The following YWHAZ variants were observed in gnomAD, a reference collection of about 807,000 sequenced individuals.
The protein encoded by YWHAZ is tyrosine 3-monooxygenase/tryptophan 5-monooxygenase activation protein zeta, also known as 14-3-3 protein zeta/delta.
For synonymous variants in YWHAZ, 87 were observed against 103.6 expected, an observed-to-expected ratio of 0.84 and a Z score of 0.97; for missense variants, 79 against 284.8, an observed-to-expected ratio of 0.28 and a Z score of 5.20.
rs1812887493 is a variant in YWHAZ at position 100,919,670 on chromosome 8, T to C, written c.*1023A>G. The C allele has an allele frequency of 6.6e-6, 1 of 152,602 alleles. No homozygotes were observed. The highest frequency in any genetic ancestry group is 2.1e-4 in the South Asian group (1 of 4,838). The allele number at this position is 152,602 out of a possible 1,614,324, so 9.5% of individuals were successfully genotyped here. ...GTTTCAGAACCAAGACTAATTTACATGAAAAGCTGTAGAGAAAGTAGTTGA... is the reference window on the plus strand; with the variant it reads ...GTTTCAGAACCAAGACTAATTTACACGAAAAGCTGTAGAGAAAGTAGTTGA... On this transcript the variant is annotated 3_prime_UTR_variant, in exon 6 of 6. Transcript: ENST00000395958.
intron 1 of YWHAZ, 141 bp from the exon 2 acceptor site, chr8:100,949,041 A>G: frequency 4.8e-6 from 5 of 1,052,286 alleles, no homozygotes; most frequent in Non-Finnish European, 6.7e-6. Flanking sequence ...ATTAAAATGC[A>G]GCCTCACAAA....
At chr8:100,935,046 G>A (rs984557915) in intron 2 of YWHAZ, 1 of 151,886 alleles carries the variant, frequency 6.6e-6, no homozygotes, top group Non-Finnish European at 1.5e-5. Flanking sequence ...CCAGCTACTC[G>A]GGAGGCTGAG....
Position 100,936,454 on chromosome 8 carries a change from TG to T in YWHAZ, c.295-11416del, listed in dbSNP as rs1814153453. 3.3e-5 allele frequency among the ~76,000 whole-genome samples: 5 copies of T among 152,240 alleles called. No individual in the cohort carries two copies. In the South Asian group the frequency reaches 1.0e-3, roughly 32 times the overall value. ...CCACATGCCTCCTAATATAATGCAG[TG>T]AGGAGGACACCATATCACTTCCAGG... is the stretch of plus-strand genomic sequence containing the variant. On this transcript the variant is annotated intron_variant, in intron 2 of 5. Transcript: ENST00000395958.
At chr8:100,925,539 A>G (rs754990334) in intron 2 of YWHAZ, among the ~76,000 whole-genome samples, 1 of 152,226 alleles carries the variant, frequency 6.6e-6, no homozygotes, top group South Asian at 2.1e-4. Flanking sequence ...TTCATTTATA[A>G]CAACACAATT....
intron 1 of YWHAZ, chr8:100,950,296 A>G (rs1033892113): frequency 1.1e-5 from 9 of 855,564 alleles, no homozygotes; most frequent in East Asian, 1.2e-4. Context: ...TCTCTCCCCA[A>G]TCACTTCGGT....
intron 5 of YWHAZ, chr8:100,923,383 AAG>A (rs932215044): frequency 3.9e-5 from 6 of 152,358 alleles, no homozygotes; most frequent in South Asian, 4.1e-4. Context: ...AACTTAAAAA[AAG>A]AGAGATAATT....
At chr8:100,929,247 T>C (rs1056466812) in intron 2 of YWHAZ, among the ~76,000 whole-genome samples, 11 of 150,942 alleles carry the variant, frequency 7.3e-5, no homozygotes, top group Non-Finnish European at 1.5e-4. Context: ...GCACCCAGGC[T>C]GGGGTGCAGT....
At chr8:100,946,246 G>A (rs1158369387) in intron 2 of YWHAZ, among the ~76,000 whole-genome samples, 2 of 152,164 alleles carry the variant, frequency 1.3e-5, no homozygotes, top group Non-Finnish European at 2.9e-5. Context: ...AGTCAAAACT[G>A]CTACAAGTTG....
At chr8:100,926,790 G>A (rs1434830184) in intron 2 of YWHAZ, among the ~76,000 whole-genome samples, 2 of 152,196 alleles carry the variant, frequency 1.3e-5, no homozygotes, top group Non-Finnish European at 2.9e-5. Flanking sequence ...TGGTTGCTCT[G>A]TGGAGATCTG....
intron 2 of YWHAZ, among the ~76,000 whole-genome samples, chr8:100,946,503 A>G (rs1333858669): frequency 6.6e-6 from 1 of 152,170 alleles, no homozygotes; most frequent in Admixed American, 6.5e-5. Context: ...GTGAGCTGAG[A>G]TGGTGCCATT....
At chr8:100,934,988 T>C (rs1010999138) in intron 2 of YWHAZ, 2 of 151,106 alleles carry the variant, frequency 1.3e-5, no homozygotes, top group African/African-American at 2.4e-5. Context: ...ACCCCGTCTC[T>C]ACTGGGAAAA....
At chr8:100,950,483 A>G in intron 1 of YWHAZ, 1 of 985,594 alleles carries the variant, frequency 1.0e-6, no homozygotes, top group Non-Finnish European at 1.2e-6. Flanking sequence ...CGGTCCGCGT[A>G]TCGCAACCAC....
At chr8:100,944,222 C>CTAA (rs908305076) in intron 2 of YWHAZ, among the ~76,000 whole-genome samples, 1 of 152,086 alleles carries the variant, frequency 6.6e-6, no homozygotes, top group African/African-American at 2.4e-5. Flanking sequence ...TTAAAAACTG[C>CTAA]TAACTCTACA....
intron 5 of YWHAZ, among the ~76,000 whole-genome samples, chr8:100,921,179 A>G (rs892229572): frequency 6.6e-6 from 1 of 152,088 alleles, no homozygotes; most frequent in African/African-American, 2.4e-5. Context: ...GACTACAGGC[A>G]TGTGCCACCA....
Position 100,918,603 on chromosome 8 carries a change from A to G in YWHAZ, c.*2090T>C, listed in dbSNP as rs1354404885. 2 of 151,338 alleles carry G rather than the reference A, an allele frequency of 1.3e-5. No homozygotes were observed. Among genetic ancestry groups the G allele is most frequent in the Non-Finnish European group, 2.9e-5 (2 of 67,872 alleles). The allele number at this position is 151,338 out of a possible 1,614,324, so 9.4% of individuals were successfully genotyped here. ...TCCATTGCACTTTTATTTGAATGTAATATTTGGGACAATTATTCAAAAGGG... is the reference window on the plus strand; with the variant it reads ...TCCATTGCACTTTTATTTGAATGTAGTATTTGGGACAATTATTCAAAAGGG... On this transcript the variant is annotated 3_prime_UTR_variant, in exon 6 of 6. Transcript: ENST00000395958.
rs1160156708 is a variant in YWHAZ, at chr8:100,918,436, ATATATAT to A, written c.*2250_*2256del. 2 of 106,288 alleles carry A rather than the reference ATATATAT, an allele frequency of 1.9e-5. No individual in the cohort carries two copies. Among genetic ancestry groups the A allele is most frequent in the East Asian group, 6.1e-4 (2 of 3,278 alleles). The allele number at this position is 106,288 out of a possible 1,614,324, so 6.6% of individuals were successfully genotyped here. ...TATATATATATATATATATATATAT[ATATATAT>A]AATTATTTTACCTCCTTGGCTTGGG... is the stretch of plus-strand genomic sequence containing the variant. On this transcript the variant is annotated 3_prime_UTR_variant, in exon 6 of 6. Coordinates refer to ENST00000395958, the MANE Select transcript of YWHAZ (RefSeq NM_145690.3).
intron 2 of YWHAZ, among the ~76,000 whole-genome samples, chr8:100,929,913 G>A (rs1253000877): frequency 6.6e-6 from 1 of 151,898 alleles, no homozygotes; most frequent in African/African-American, 2.4e-5. Context: ...GGGAGGAAAG[G>A]GCTGATAGCT....
chr8:100,941,550 C>T (rs531572609), intron 2 of YWHAZ, among the ~76,000 whole-genome samples: 2 of 152,158 alleles, frequency 1.3e-5, no homozygotes, highest in East Asian at 1.9e-4. Context: ...TTTGGGAGGC[C>T]GGGGTGGGTG....
In YWHAZ at chr8:100,919,252, G is replaced by C. The variant is rs1017056646; in HGVS notation, c.*1441C>G. On this transcript the variant is annotated 3_prime_UTR_variant, in exon 6 of 6. Coordinates refer to ENST00000395958, the MANE Select transcript of YWHAZ (RefSeq NM_145690.3). ...CACCTGACAAATAGAAAGAATAAAG[G>C]ATCAAAATTGAAGGCAGGCTATAAG... 8 of 152,510 alleles carry C rather than the reference G, an allele frequency of 5.2e-5. No individual in the cohort carries two copies. Among genetic ancestry groups the C allele is most frequent in the African/African-American group, 1.9e-4 (8 of 41,388 alleles). The allele number at this position is 152,510 out of a possible 1,614,324, so 9.4% of individuals were successfully genotyped here. A position where few individuals can be genotyped will look rare whatever the true frequency, so the allele number is the denominator to read the frequency against.
Sources: allele counts gnomAD v4.1 joint callset (sites outside exome capture counted in the v4.1 genomes callset), GRCh38; gene constraint gnomAD v4.1.1; transcripts MANE v1.5; gene names NCBI Gene and HGNC (gene_info 2026-07-23, HGNC 2026-07-21).